Variants in C8orf76 observed in about 807,000 individuals in gnomAD.
C8orf76 encodes the protein uncharacterized protein C8orf76.
Under a neutral mutation model 38.1 loss-of-function variants are expected in C8orf76, and 46 were observed. That is an observed-to-expected ratio of 1.21 (90% CI 0.95 to 1.54). The LOEUF is 1.54. Ranked by LOEUF, C8orf76 falls within the 40% of genes most tolerant of loss-of-function variation. C8orf76 has a pLI of 0.00. For missense variants in C8orf76, 461 were observed against 441.6 expected (o/e 1.04, Z -0.39); for synonymous variants, 166 against 167.5 (o/e 0.99, Z 0.07).
At chr8:123,240,584 G>A (rs983852681) in intron 1 of C8orf76, among the ~76,000 whole-genome samples, 1 of 152,182 alleles carries the variant, frequency 6.6e-6, no homozygotes, top group African/African-American at 2.4e-5. Context: ...AAAACTGTTA[G>A]GCACTGCCAA....
At chr8:123,233,308 T>G (rs866198570) in intron 3 of C8orf76, among the ~76,000 whole-genome samples, 10 of 152,130 alleles carry the variant, frequency 6.6e-5, no homozygotes, top group Middle Eastern at 6.8e-3. Context: ...CATGAACCAC[T>G]GTGCCCAGCC....
At chr8:123,226,729 G>A in intron 4 of C8orf76, 97 bp from the exon 5 acceptor site, 1 of 1,474,198 alleles carries the variant, frequency 6.8e-7, no homozygotes, top group Non-Finnish European at 8.9e-7. Flanking sequence ...CAGGTATTGA[G>A]TCGGCTGCAA....
chr8:123,230,847 A>C (rs897984929), intron 4 of C8orf76, among the ~76,000 whole-genome samples: 3 of 152,024 alleles, frequency 2.0e-5, no homozygotes, highest in African/African-American at 7.2e-5. Flanking sequence ...ACAGGGTTTC[A>C]CCATGTTGGC....
intron 3 of C8orf76, chr8:123,236,785 A>G (rs74747197): frequency 8.6e-6 from 2 of 231,382 alleles, no homozygotes; most frequent in Non-Finnish European, 1.6e-5. Context: ...CTCTGTCTCA[A>G]AAAAAAAAAA....
intron 5 of C8orf76, among the ~76,000 whole-genome samples, chr8:123,224,801 A>C (rs1824985451): frequency 6.6e-6 from 1 of 152,198 alleles, no homozygotes; most frequent in Non-Finnish European, 1.5e-5. Flanking sequence ...TGCTCAAAAC[A>C]TACTATTACT....
chr8:123,230,775 G>A (rs187555146), intron 4 of C8orf76, among the ~76,000 whole-genome samples: 199 of 151,974 alleles, frequency 1.3e-3, no homozygotes, highest in African/African-American at 4.8e-3. Flanking sequence ...TCAGCCTCCT[G>A]AGTAGCTGGG....
intron 5 of C8orf76, chr8:123,226,131 C>T (rs1017497436): frequency 1.3e-5 from 14 of 1,052,862 alleles, no homozygotes; most frequent in African/African-American, 8.6e-5. Flanking sequence ...TCTAGCTCTA[C>T]TCAACTTCAC....
At chr8:123,226,226 C>T in intron 5 of C8orf76, 1 of 1,293,076 alleles carries the variant, frequency 7.7e-7, no homozygotes, top group South Asian at 2.0e-5. Context: ...AGCACTGAAA[C>T]AAACAATTAT....
Position 123,237,815 on chromosome 8 carries a change from C to T in C8orf76, c.340G>A (p.Glu114Lys). 6.2e-7 allele frequency: 1 copy of T among 1,613,348 alleles called. No individual in the cohort carries two copies. The highest frequency in any genetic ancestry group is 8.5e-7 in the Non-Finnish European group (1 of 1,179,758). The change falls in exon 3 of 6, where the codon GAG becomes AAG. Residue 114 changes from glutamate (E) to lysine (K), a missense_variant. By Grantham distance (56) the Glu-to-Lys change is moderately conservative. Coordinates refer to ENST00000276704, the MANE Select transcript of C8orf76 (RefSeq NM_032847.3). ...TCACTCACCAAGTTTGCAGCAATCTCCAGCGCCTCCATATGCCTACCCAGG... is the reference window on the plus strand; with the variant it reads ...TCACTCACCAAGTTTGCAGCAATCTTCAGCGCCTCCATATGCCTACCCAGG... ...AHLGRHMEALEIAANLENKAT... is the reference protein window; with the variant it reads ...AHLGRHMEALKIAANLENKAT...
intron 5 of C8orf76, among the ~76,000 whole-genome samples, chr8:123,224,352 C>G (rs1212322829): frequency 1.3e-5 from 2 of 152,182 alleles, no homozygotes; most frequent in Non-Finnish European, 2.9e-5. Flanking sequence ...TGGCTCACAT[C>G]TATAATCCTA....
intron 3 of C8orf76, among the ~76,000 whole-genome samples, chr8:123,236,231 C>A (rs1055928683): frequency 2.0e-5 from 3 of 152,160 alleles, no homozygotes; most frequent in African/African-American, 7.2e-5. Flanking sequence ...TGTGTGCATA[C>A]GTTAGGCTGA....
At chr8:123,233,217 C>T (rs935312347) in intron 3 of C8orf76, among the ~76,000 whole-genome samples, 8 of 151,946 alleles carry the variant, frequency 5.3e-5, no homozygotes, top group South Asian at 2.1e-4. Context: ...CAGGGTTTTG[C>T]CATGTTGGCC....
chr8:123,226,290 T>C (rs1825040670), intron 5 of C8orf76: 3 of 1,395,580 alleles, frequency 2.1e-6, no homozygotes, highest in African/African-American at 1.5e-5. Context: ...GACAAGTACA[T>C]GAAACACAGC....
chr8:123,229,975 C>G (rs1825190047), intron 4 of C8orf76, among the ~76,000 whole-genome samples: 3 of 151,956 alleles, frequency 2.0e-5, no homozygotes, highest in Non-Finnish European at 4.4e-5. Context: ...GAGATCACAC[C>G]ACTGCACTCC....
intron 5 of C8orf76, among the ~76,000 whole-genome samples, chr8:123,221,905 C>A (rs773269205): frequency 2.0e-5 from 3 of 152,130 alleles, no homozygotes; most frequent in Non-Finnish European, 2.9e-5. Context: ...TGAGACCCCA[C>A]CTCCAAAAAA....
intron 5 of C8orf76, 150 bp from the exon 6 acceptor site, chr8:123,220,447 G>C (rs962729161): frequency 2.1e-5 from 13 of 609,688 alleles, no homozygotes; most frequent in Non-Finnish European, 3.6e-5. Context: ...TGTTTGTTCA[G>C]AAGTAGTTAT....
chr8:123,241,213 A>G lies in C8orf76; in HGVS notation c.117+17T>C. ...GCCTGGGGCCCGGGATAAGGCGAAG[A>G]GGCCCCAGCTTCTCACCTGCGGCTC... On this transcript the variant is annotated intron_variant, in intron 1 of 5. Transcript: ENST00000276704. The G allele has an allele frequency of 6.3e-7, 1 of 1,577,120 alleles. No homozygotes were observed. Among genetic ancestry groups the G allele is most frequent in the Non-Finnish European group, 8.6e-7 (1 of 1,166,850 alleles).
intron 5 of C8orf76, among the ~76,000 whole-genome samples, chr8:123,220,616 A>C (rs1444773529): frequency 1.3e-5 from 2 of 152,224 alleles, no homozygotes; most frequent in African/African-American, 2.4e-5. Flanking sequence ...TTGGCTTACC[A>C]GGAGTACTGA....
At chr8:123,240,532 TCTA>T (rs1235524501) in intron 1 of C8orf76, among the ~76,000 whole-genome samples, 2 of 152,226 alleles carry the variant, frequency 1.3e-5, no homozygotes, top group Non-Finnish European at 2.9e-5. Context: ...GAAGTAATAC[TCTA>T]CTAATTCAAA....
Sources: gnomAD v4.1 joint callset for allele counts (sites outside exome capture counted in the v4.1 genomes callset) on GRCh38, gnomAD v4.1.1 for gene constraint, MANE v1.5 for transcripts, NCBI Gene and HGNC (gene_info 2026-07-23, HGNC 2026-07-21) for gene names.